ARID3C: variants seen among roughly 807,000 people sequenced by gnomAD.
The protein encoded by ARID3C is AT-rich interactive domain-containing protein 3C.
In ARID3C, 42 loss-of-function variants were observed where a neutral mutation model predicts 37.9. The observed-to-expected ratio is 1.11, with a 90% CI of 0.87 to 1.43. The LOEUF (loss-of-function observed/expected upper bound fraction) is 1.43. Ranked by LOEUF, ARID3C falls within the 40% of genes most tolerant of loss-of-function variation. ARID3C has a pLI of 0.00. For synonymous variants in ARID3C, 213 were observed against 228.0 expected, an observed-to-expected ratio of 0.93 and a Z score of 0.59; for missense variants, 581 against 548.8, an observed-to-expected ratio of 1.06 and a Z score of -0.59.
exon 3 of ARID3C, chr9:34,623,926 T>C: frequency 1.3e-6 from 2 of 1,599,116 alleles, no homozygotes; most frequent in Non-Finnish European, 1.7e-6. Flanking sequence ...CGCGCGTGAC[T>C]TCCCGCCACA....
chr9:34,622,687 CG>C, intron 4 of ARID3C, among the ~76,000 whole-genome samples, 158 bp from the exon 6 acceptor site: 1 of 152,284 alleles, frequency 6.6e-6, no homozygotes. Context: ...AGCCTGGAAG[CG>C]CTGAAGCTTT....
At chr9:34,632,663 G>A (rs928694945), upstream of ARID3C, among the ~76,000 whole-genome samples, 2 of 152,296 alleles carry the variant, frequency 1.3e-5, no homozygotes. Context: ...GATAAAAACA[G>A]TATTTGATGA....
At chr9:34,621,589 CA>C in intron 6 of ARID3C, 31 bp from the exon 8 acceptor site, 4 of 1,495,580 alleles carry the variant, frequency 2.7e-6, no homozygotes, top group South Asian at 1.3e-5. Context: ...TGGTAGAGGG[CA>C]AAAACAAGCA....
chr9:34,629,734 TTTTCTTTTCTTTTTC>T (rs1820706188), upstream of ARID3C, among the ~76,000 whole-genome samples: 2 of 152,162 alleles, frequency 1.3e-5, no homozygotes, highest in African/African-American at 4.8e-5. Context: ...GGAAATTTTC[TTTTCTTTTCTTTTTC>T]TTTCTTTTCT....
chr9:34,631,224 A>G (rs759268185), upstream of ARID3C, among the ~76,000 whole-genome samples: 2 of 152,082 alleles, frequency 1.3e-5, no homozygotes, highest in African/African-American at 2.4e-5. Flanking sequence ...GTGTTTGGAG[A>G]TCGCTTTGTA....
exon 1 of ARID3C, chr9:34,627,793 C>G (rs1279447714): frequency 6.2e-7 from 1 of 1,614,060 alleles, no homozygotes; most frequent in Admixed American, 1.7e-5. Context: ...GACGGCTCTC[C>G]TCAGCTGCCT....
intron 4 of ARID3C, 95 bp downstream of exon 5, chr9:34,623,330 C>G (rs1042948063): frequency 3.8e-5 from 53 of 1,400,078 alleles, no homozygotes; most frequent in Non-Finnish European, 4.7e-5. Context: ...TCAATGCCTC[C>G]CCAGACCTCA....
At position 34,624,060 on chromosome 9, in the gene ARID3C, G is replaced by A; in HGVS notation, c.392-13C>T. On this transcript the variant is annotated splice_polypyrimidine_tract_variant and intron_variant, in intron 2 of 6. Transcript: ENST00000378909. ...TTCACTGGCGTCCCTGGTGGGGAGCGGGCTGCCGTCAGGACACTGAGACGA... is the reference window on the plus strand; with the variant it reads ...TTCACTGGCGTCCCTGGTGGGGAGCAGGCTGCCGTCAGGACACTGAGACGA... The A allele has an allele frequency of 1.9e-6, 3 of 1,572,096 alleles. No homozygotes were observed. The highest frequency in any genetic ancestry group is 2.6e-6 in the Non-Finnish European group (3 of 1,161,528).
upstream of ARID3C, among the ~76,000 whole-genome samples, chr9:34,629,994 C>G (rs1820709075): frequency 1.3e-5 from 2 of 152,074 alleles, no homozygotes; most frequent in South Asian, 4.2e-4. Flanking sequence ...AACTCCTGAC[C>G]TCAAGTGATC....
chr9:34,624,222 G>A (rs949960935), intron 2 of ARID3C, among the ~76,000 whole-genome samples, 175 bp from the exon 4 acceptor site: 1 of 151,970 alleles, frequency 6.6e-6, no homozygotes, highest in Non-Finnish European at 1.5e-5. Flanking sequence ...GCTAGAACGG[G>A]GGGGGGCAAA....
chr9:34,622,775 TC>T (rs1474416283), intron 4 of ARID3C, among the ~76,000 whole-genome samples: 1 of 152,154 alleles, frequency 6.6e-6, no homozygotes, highest in Non-Finnish European at 1.5e-5. Context: ...TATTAAATAA[TC>T]CAGGTCACAA....
chr9:34,629,221 G>A (rs1001705187), upstream of ARID3C, among the ~76,000 whole-genome samples: 8 of 152,226 alleles, frequency 5.3e-5, no homozygotes, highest in African/African-American at 1.7e-4. Context: ...CTGGAAAGCT[G>A]CGGGGGAATC....
chr9:34,632,844 C>T (rs1820734475), upstream of ARID3C, among the ~76,000 whole-genome samples: 1 of 152,078 alleles, frequency 6.6e-6, no homozygotes, highest in Admixed American at 6.6e-5. Context: ...ACCTATTAGA[C>T]AGCCAAGTGG....
At chr9:34,632,535 G>T (rs1026200129), upstream of ARID3C, among the ~76,000 whole-genome samples, 2 of 152,204 alleles carry the variant, frequency 1.3e-5, no homozygotes, top group African/African-American at 4.8e-5. Flanking sequence ...AGATGCATGC[G>T]TGAAGATCAG....
At chr9:34,622,691 G>A (rs565489008) in intron 4 of ARID3C, among the ~76,000 whole-genome samples, 162 bp from the exon 6 acceptor site, 1 of 152,302 alleles carries the variant, frequency 6.6e-6, no homozygotes, top group Admixed American at 6.5e-5. Flanking sequence ...TGGAAGCGCT[G>A]AAGCTTTTCT....
chr9:34,621,255 T>C (rs1237494003), downstream of ARID3C: 4 of 464,484 alleles, frequency 8.6e-6, no homozygotes, highest in South Asian at 1.3e-4. Flanking sequence ...GCTGCTGGAA[T>C]TGGCCAGGGA....
intron 2 of ARID3C, among the ~76,000 whole-genome samples, chr9:34,625,110 T>A (rs977855773): frequency 6.6e-6 from 1 of 152,120 alleles, no homozygotes; most frequent in African/African-American, 2.4e-5. Context: ...TAGCGGCTTA[T>A]CAGGCTGCGC....
At chr9:34,621,404 G>A in exon 7 of ARID3C, 2 of 1,246,898 alleles carry the variant, frequency 1.6e-6, no homozygotes, top group East Asian at 2.9e-5. Context: ...AAAGCAGGGG[G>A]TCTCCTCCCC....
chr9:34,629,120 A>G (rs1051661993), upstream of ARID3C, among the ~76,000 whole-genome samples: 77 of 152,046 alleles, frequency 5.1e-4, no homozygotes, highest in African/African-American at 1.7e-3. Context: ...GGCGGGGCGC[A>G]TGGGGAGAGG....
Sources: allele counts gnomAD v4.1 joint callset (sites outside exome capture counted in the v4.1 genomes callset), GRCh38; gene constraint gnomAD v4.1.1; transcripts MANE v1.5; gene names NCBI Gene and HGNC (gene_info 2026-07-23, HGNC 2026-07-21).